Variants in NDUFS4 observed in about 807,000 individuals in gnomAD.
NDUFS4 encodes NADH:ubiquinone oxidoreductase subunit S4.
A neutral mutation model predicts 24.3 loss-of-function variants in NDUFS4; 28 were observed. The observed-to-expected ratio is 1.15, with a 90% CI of 0.85 to 1.58. The LOEUF is 1.58. Among genes scored for constraint, NDUFS4 ranks in the 40% most tolerant of loss-of-function variants. The pLI is 0.00. For missense variants in NDUFS4, 223 were observed against 207.9 expected (o/e 1.07, Z -0.45); for synonymous variants, 93 against 69.7 (o/e 1.34, Z -1.67).
chr5:53,584,591 C>T (rs1387904804), intron 1 of NDUFS4, among the ~76,000 whole-genome samples: 1 of 152,032 alleles, frequency 6.6e-6, no homozygotes, highest in Non-Finnish European at 1.5e-5. Context: ...CCACCTGCCT[C>T]TGCCTCCCAA....
intron 2 of NDUFS4, among the ~76,000 whole-genome samples, chr5:53,612,236 A>G (rs533992807): frequency 3.2e-4 from 48 of 152,186 alleles, no homozygotes; most frequent in African/African-American, 1.1e-3. Flanking sequence ...GCCAGGCACT[A>G]TGCTTCAGTG....
At chr5:53,659,696 A>G (rs1324955501) in intron 4 of NDUFS4, among the ~76,000 whole-genome samples, 1 of 152,220 alleles carries the variant, frequency 6.6e-6, no homozygotes, top group Non-Finnish European at 1.5e-5. Flanking sequence ...AGTATATAAA[A>G]ATAAGAAATT....
intron 1 of NDUFS4, among the ~76,000 whole-genome samples, chr5:53,582,241 A>AAAATTAAATT (rs376384292): frequency 4.0e-4 from 53 of 134,144 alleles, no homozygotes; most frequent in Admixed American, 8.7e-4. Flanking sequence ...AAAATAAAAT[A>AAAATTAAATT]AAATTAAATT....
chr5:53,667,729 C>G (rs900503147), intron 4 of NDUFS4, among the ~76,000 whole-genome samples: 8 of 152,120 alleles, frequency 5.3e-5, no homozygotes, highest in Non-Finnish European at 1.0e-4. Context: ...TATGTAAAGA[C>G]TACTGGATTA....
chr5:53,670,460 T>C (rs1752633099), intron 4 of NDUFS4, among the ~76,000 whole-genome samples: 1 of 152,020 alleles, frequency 6.6e-6, no homozygotes, highest in Admixed American at 6.6e-5. Context: ...TCAATTTTTA[T>C]TACATGAAGT....
intron 3 of NDUFS4, 37 bp from the exon 4 acceptor site, chr5:53,658,514 T>G (rs1451507378): frequency 4.2e-6 from 6 of 1,438,936 alleles, no homozygotes; most frequent in Non-Finnish European, 5.9e-6. Flanking sequence ...AGCTAAAGCT[T>G]AATGTTAAAT....
intron 2 of NDUFS4, among the ~76,000 whole-genome samples, chr5:53,627,031 CT>C (rs1751250954): frequency 6.6e-6 from 1 of 152,008 alleles, no homozygotes; most frequent in Non-Finnish European, 1.5e-5. Context: ...ACATTTAAGT[CT>C]TTAATTTATC....
chr5:53,681,313 G>A (rs989420420), intron 4 of NDUFS4, among the ~76,000 whole-genome samples: 4 of 151,964 alleles, frequency 2.6e-5, no homozygotes, highest in Non-Finnish European at 5.9e-5. Flanking sequence ...CCTGTACAAG[G>A]GGAATAATAT....
At chr5:53,631,027 T>C (rs767618291) in intron 2 of NDUFS4, among the ~76,000 whole-genome samples, 1 of 152,204 alleles carries the variant, frequency 6.6e-6, no homozygotes, top group Non-Finnish European at 1.5e-5. Context: ...TTTTTCTACC[T>C]TCGGTCTTTG....
intron 2 of NDUFS4, chr5:53,604,707 C>G (rs1271193743): frequency 2.2e-6 from 1 of 454,984 alleles, no homozygotes; most frequent in African/African-American, 2.0e-5. Flanking sequence ...TGATTTAGCT[C>G]CTGCCTTCCT....
rs552988214 is a variant in NDUFS4, at chr5:53,682,893, T to G, written c.425-225T>G. On this transcript the variant is annotated intron_variant, in intron 4 of 4. Coordinates refer to ENST00000296684, the MANE Select transcript of NDUFS4 (RefSeq NM_002495.4). ...AATCATAGTTTACATCTTTAACAACTTGAGATATGGTAAATAATCTGCAGG... is the reference window on the plus strand; with the variant it reads ...AATCATAGTTTACATCTTTAACAACGTGAGATATGGTAAATAATCTGCAGG... Among the ~76,000 whole-genome samples, 28 of 152,186 alleles carry G rather than the reference T, an allele frequency of 1.8e-4. No homozygotes were observed. The South Asian group carries it at 5.8e-3, about 32-fold the overall frequency.
At chr5:53,633,319 T>G (rs1219545958) in intron 2 of NDUFS4, among the ~76,000 whole-genome samples, 4 of 152,200 alleles carry the variant, frequency 2.6e-5, no homozygotes, top group Non-Finnish European at 5.9e-5. Flanking sequence ...AAGGTCACTG[T>G]GACCTTCCCC....
intron 4 of NDUFS4, among the ~76,000 whole-genome samples, chr5:53,666,144 A>T (rs138047346): frequency 6.6e-5 from 10 of 152,218 alleles, no homozygotes; most frequent in African/African-American, 2.4e-4. Flanking sequence ...GTGAACTGTA[A>T]CATAGTTATG....
chr5:53,608,024 T>G (rs1408430215), intron 2 of NDUFS4, among the ~76,000 whole-genome samples: 1 of 152,184 alleles, frequency 6.6e-6, no homozygotes, highest in Non-Finnish European at 1.5e-5. Context: ...TGATAGATAT[T>G]TATGGATATA....
At chr5:53,601,196 G>C (rs1750310830) in intron 1 of NDUFS4, among the ~76,000 whole-genome samples, 1 of 151,710 alleles carries the variant, frequency 6.6e-6, no homozygotes, top group Admixed American at 6.6e-5. Flanking sequence ...GTAGAGACGG[G>C]GTTTCACCGT....
chr5:53,659,528 A>G (rs1257840717), intron 4 of NDUFS4, among the ~76,000 whole-genome samples: 1 of 152,144 alleles, frequency 6.6e-6, no homozygotes, highest in Non-Finnish European at 1.5e-5. Flanking sequence ...ACTACTTGAT[A>G]ACTATTAGTT....
In NDUFS4 at chr5:53,617,099, A is replaced by G. The variant is rs528520883; in HGVS notation, c.177+13569A>G. On this transcript the variant is annotated intron_variant, in intron 2 of 4. Transcript: ENST00000296684. ...ATGTTAAAGATTTGTCATAGTGGTA[A>G]AGGAAGATAAGAATAAATTGGCTGA... Among the ~76,000 whole-genome samples, 8 of 152,274 alleles carry G rather than the reference A, an allele frequency of 5.3e-5. No individual in the cohort carries two copies. In the South Asian group the frequency reaches 1.7e-3, roughly 32 times the overall value.
chr5:53,661,664 G>A lies in NDUFS4; in HGVS notation c.424+3040G>A, dbSNP rs562671224. Among the ~76,000 whole-genome samples the A allele has an allele frequency of 3.9e-3, 588 of 152,086 alleles. 2 individuals carry two copies. Among genetic ancestry groups the A allele is most frequent in the Non-Finnish European group, 6.6e-3 (452 of 67,984 alleles). Reference sequence around the variant, plus strand: ...AATGTTCTTCCATTTGTTTGTATCCGCTTTTATTTCATTGAGCAGTGGTTT... The same window carrying A: ...AATGTTCTTCCATTTGTTTGTATCCACTTTTATTTCATTGAGCAGTGGTTT... On this transcript the variant is annotated intron_variant, in intron 4 of 4. Transcript: ENST00000296684.
Position 53,603,445 on chromosome 5 carries a change from A to G in NDUFS4, c.99-7A>G, listed in dbSNP as rs1355362925. 4 of 1,609,484 alleles carry G rather than the reference A, an allele frequency of 2.5e-6. No homozygotes were observed. Among genetic ancestry groups the G allele is most frequent in the Non-Finnish European group, 3.4e-6 (4 of 1,177,924 alleles). ...ATCCTTTTTTAACTTAAAGTCTTGC[A>G]CTGCAGGTCGTTGAGGACTTCCACA... On this transcript the variant is annotated splice_region_variant and splice_polypyrimidine_tract_variant and intron_variant, in intron 1 of 4. Coordinates refer to ENST00000296684, the MANE Select transcript of NDUFS4 (RefSeq NM_002495.4).
Sources: gnomAD v4.1 joint callset for allele counts (sites outside exome capture counted in the v4.1 genomes callset) on GRCh38, gnomAD v4.1.1 for gene constraint, MANE v1.5 for transcripts, NCBI Gene and HGNC (gene_info 2026-07-23, HGNC 2026-07-21) for gene names.